The following GREM2 variants were observed in gnomAD, a reference collection of about 807,000 sequenced individuals.
The protein encoded by GREM2 is gremlin-2.
A neutral mutation model predicts 14.2 loss-of-function variants in GREM2; 11 were observed. The observed-to-expected ratio is 0.78, with a 90% confidence interval of 0.49 to 1.28. The LOEUF (loss-of-function observed/expected upper bound fraction) is 1.28. GREM2 is among the 50% of genes most tolerant of loss of function. The pLI, the probability that GREM2 is intolerant of heterozygous loss-of-function variation, is 0.00. For synonymous variants in GREM2, 98 were observed against 97.6 expected (o/e 1.00, Z -0.02); for missense variants, 210 against 218.5 (o/e 0.96, Z 0.24).
At chr1:240,537,317 T>C (rs1328522064) in intron 1 of GREM2, among the ~76,000 whole-genome samples, 1 of 152,046 alleles carries the variant, frequency 6.6e-6, no homozygotes, top group East Asian at 1.9e-4. Flanking sequence ...GAGAAAAATA[T>C]AGTTAGTTGT....
intron 1 of GREM2, among the ~76,000 whole-genome samples, chr1:240,509,577 A>G (rs962761636): frequency 4.6e-5 from 7 of 152,120 alleles, no homozygotes; most frequent in South Asian, 2.1e-4. Context: ...CATGTTGGTC[A>G]GGCTGGTCTC....
At chr1:240,593,400 C>G (rs768287536) in intron 1 of GREM2, among the ~76,000 whole-genome samples, 6 of 151,680 alleles carry the variant, frequency 4.0e-5, no homozygotes, top group Admixed American at 6.6e-5. Flanking sequence ...CACACTGAGT[C>G]CTGAATTCTG....
rs764912210 is a variant in GREM2 at position 240,492,953 on chromosome 1, G to A, written c.*16C>T. On this transcript the variant is annotated 3_prime_UTR_variant, in exon 2 of 2. Transcript: ENST00000318160. ...GGCCGGGCGCGCGCGGGGCTGAGCT[G>A]CGTCCGGCCCGGCGCTCACTGCTTG... 1 of 1,499,626 alleles carries A rather than the reference G, an allele frequency of 6.7e-7. No individual in the cohort carries two copies. The highest frequency in any genetic ancestry group is 8.9e-7 in the Non-Finnish European group (1 of 1,121,902). The allele number at this position is 1,499,626 out of a possible 1,614,324, so 92.9% of individuals were successfully genotyped here.
At chr1:240,507,633 A>G (rs1477375619) in intron 1 of GREM2, among the ~76,000 whole-genome samples, 1 of 152,118 alleles carries the variant, frequency 6.6e-6, no homozygotes, top group Non-Finnish European at 1.5e-5. Context: ...GTGCCTGGCT[A>G]GAATACCAGC....
intron 1 of GREM2, among the ~76,000 whole-genome samples, chr1:240,503,947 T>C (rs1677626785): frequency 6.6e-6 from 1 of 152,182 alleles, no homozygotes; most frequent in African/African-American, 2.4e-5. Flanking sequence ...GAGCATAGTT[T>C]TAAATGTTTA....
chr1:240,522,866 G>A (rs1484825543), intron 1 of GREM2, among the ~76,000 whole-genome samples: 1 of 151,996 alleles, frequency 6.6e-6, no homozygotes, highest in Non-Finnish European at 1.5e-5. Context: ...AAAATCACAG[G>A]TAAATCACAA....
intron 1 of GREM2, among the ~76,000 whole-genome samples, chr1:240,547,534 T>TATAGAC (rs1491511748): frequency 8.4e-4 from 100 of 119,404 alleles, no homozygotes; most frequent in African/African-American, 3.4e-3. Context: ...TATATATATA[T>TATAGAC]AGATAGATAG....
At chr1:240,587,694 A>G (rs1679624787) in intron 1 of GREM2, among the ~76,000 whole-genome samples, 1 of 152,180 alleles carries the variant, frequency 6.6e-6, no homozygotes, top group Admixed American at 6.5e-5. Context: ...ATTATGTTAC[A>G]TTGTGTAGAT....
intron 1 of GREM2, among the ~76,000 whole-genome samples, chr1:240,586,699 G>A (rs924655698): frequency 6.6e-6 from 1 of 152,184 alleles, no homozygotes; most frequent in Non-Finnish European, 1.5e-5. Context: ...TGGTCAATCA[G>A]GTGTCACCCT....
intron 1 of GREM2, chr1:240,589,115 C>T (rs1302840816): frequency 6.6e-6 from 1 of 151,946 alleles, no homozygotes; most frequent in African/African-American, 2.4e-5. Flanking sequence ...AGAGCAAGAC[C>T]CTATCTCTTT....
chr1:240,538,440 G>A (rs558736882), intron 1 of GREM2, among the ~76,000 whole-genome samples: 3 of 152,132 alleles, frequency 2.0e-5, no homozygotes, highest in South Asian at 2.1e-4. Context: ...GATGGCTCAC[G>A]CCTGTAATCC....
At chr1:240,549,054 AG>A (rs1244509006) in intron 1 of GREM2, among the ~76,000 whole-genome samples, 1 of 152,052 alleles carries the variant, frequency 6.6e-6, no homozygotes, top group Admixed American at 6.6e-5. Flanking sequence ...AAGTAAAGCA[AG>A]GCTAGGCTCG....
chr1:240,568,637 C>A (rs970093481), intron 1 of GREM2, among the ~76,000 whole-genome samples: 1 of 152,064 alleles, frequency 6.6e-6, no homozygotes, highest in Non-Finnish European at 1.5e-5. Flanking sequence ...AAACAGTATA[C>A]CATGCTAACA....
chr1:240,514,496 A>G (rs560932007), intron 1 of GREM2, among the ~76,000 whole-genome samples: 47 of 152,318 alleles, frequency 3.1e-4, no homozygotes, highest in African/African-American at 1.1e-3. Context: ...TGGAGTAAGA[A>G]CAATGCTTAA....
chr1:240,591,330 C>G (rs963333131), intron 1 of GREM2, among the ~76,000 whole-genome samples: 1 of 152,136 alleles, frequency 6.6e-6, no homozygotes, highest in Non-Finnish European at 1.5e-5. Flanking sequence ...ACAAGGGACT[C>G]AATAAACGCT....
intron 1 of GREM2, among the ~76,000 whole-genome samples, chr1:240,539,900 G>T (rs928203283): frequency 2.6e-5 from 4 of 152,108 alleles, no homozygotes; most frequent in African/African-American, 9.7e-5. Context: ...TCATTCTGTT[G>T]TTGATGCCTC....
At chr1:240,569,035 C>T (rs572255577) in intron 1 of GREM2, among the ~76,000 whole-genome samples, 5 of 151,948 alleles carry the variant, frequency 3.3e-5, no homozygotes, top group African/African-American at 7.2e-5. Context: ...GCCTGGGTGA[C>T]GGAGTGAAAT....
intron 1 of GREM2, among the ~76,000 whole-genome samples, chr1:240,547,514 A>AATATAT (rs71170756): frequency 1.9e-5 from 2 of 102,680 alleles, no homozygotes; most frequent in African/African-American, 8.9e-5. Context: ...AAAAAAAAAA[A>AATATAT]ATATATATAT....
chr1:240,591,244 G>A (rs1367845494), intron 1 of GREM2, among the ~76,000 whole-genome samples: 2 of 152,080 alleles, frequency 1.3e-5, no homozygotes, highest in South Asian at 2.1e-4. Context: ...CACTGTCATT[G>A]GCTCCATGAA....
Sources: allele counts gnomAD v4.1 joint callset (sites outside exome capture counted in the v4.1 genomes callset), GRCh38; gene constraint gnomAD v4.1.1; transcripts MANE v1.5; gene names NCBI Gene and HGNC (gene_info 2026-07-23, HGNC 2026-07-21).